The following ROBO2 variants were observed in gnomAD, a reference collection of about 807,000 sequenced individuals.
ROBO2 encodes roundabout guidance receptor 2.
In ROBO2, 53 loss-of-function variants were observed where a neutral mutation model predicts 160.8. The observed-to-expected ratio is 0.33, with a 90% CI of 0.26 to 0.41. The LOEUF (loss-of-function observed/expected upper bound fraction) is 0.41, where lower values mean the gene tolerates loss of function less well. ROBO2 is among the 10% of genes least tolerant of loss of function. The probability of loss-of-function intolerance (pLI) is 1.00; values close to 1 mark genes in which losing one functional copy is unlikely to be tolerated. For missense variants in ROBO2, 1,577 were observed against 1,722.4 expected, an observed-to-expected ratio of 0.92 and a Z score of 1.49; for synonymous variants, 664 against 611.7, an observed-to-expected ratio of 1.09 and a Z score of -1.26.
At chr3:75,971,501 T>C (rs1401274745) in intron 2 of ROBO2, among the ~76,000 whole-genome samples, 2 of 151,588 alleles carry the variant, frequency 1.3e-5, no homozygotes, top group East Asian at 2.0e-4. Flanking sequence ...ATTTTCTTCA[T>C]CTATAAAGAC....
intron 2 of ROBO2, among the ~76,000 whole-genome samples, chr3:77,335,527 C>A (rs567990351): frequency 9.9e-5 from 15 of 152,192 alleles, no homozygotes; most frequent in Non-Finnish European, 1.8e-4. Context: ...TTTAGTTTGC[C>A]AAAATGTAAA....
chr3:77,381,844 A>G (rs2073513303), intron 2 of ROBO2, among the ~76,000 whole-genome samples: 1 of 151,974 alleles, frequency 6.6e-6, no homozygotes, highest in Non-Finnish European at 1.5e-5. Flanking sequence ...CTTTTCATTT[A>G]TTTTTAAACC....
chr3:76,549,019 T>C (rs929910787), intron 2 of ROBO2, among the ~76,000 whole-genome samples: 4 of 152,142 alleles, frequency 2.6e-5, no homozygotes, highest in Admixed American at 1.3e-4. Flanking sequence ...AGATAGAGTA[T>C]CACACTAATA....
In ROBO2 at chr3:77,317,562, C is replaced by G. The variant is rs1273573538; in HGVS notation, c.389-159852C>G. On this transcript the variant is annotated intron_variant, in intron 2 of 25. Transcript: ENST00000461745. ...AATCCATAGCCCTTGGTGAAGACAT[C>G]CCTAGCAGATTTGCCAAGATCGGCA... 3.6e-6 allele frequency: 5 copies of G among 1,374,472 alleles called. No homozygotes were observed. In the East Asian group the frequency reaches 9.9e-5, roughly 27 times the overall value. The allele number at this position is 1,374,472 out of a possible 1,614,324, so 85.1% of individuals were successfully genotyped here.
chr3:77,394,130 G>A (rs9836971), intron 2 of ROBO2, among the ~76,000 whole-genome samples: 49,714 of 151,918 alleles, frequency 0.33, 8,310 homozygotes, highest in East Asian at 0.45. Context: ...ACTTCAAAGC[G>A]GCAAGCATCT....
At chr3:77,087,624 GT>G (rs2069499421) in intron 1 of ROBO2, among the ~76,000 whole-genome samples, 1 of 151,838 alleles carries the variant, frequency 6.6e-6, no homozygotes, top group African/African-American at 2.4e-5. Context: ...CCCCCTAACA[GT>G]TTTCTAGAAA....
chr3:77,412,596 G>A (rs2076889533), intron 2 of ROBO2, among the ~76,000 whole-genome samples: 1 of 152,140 alleles, frequency 6.6e-6, no homozygotes, highest in African/African-American at 2.4e-5. Flanking sequence ...GAAAGGATTT[G>A]CTCCTGGAAC....
intron 2 of ROBO2, among the ~76,000 whole-genome samples, chr3:77,170,180 A>G (rs540094479): frequency 6.6e-6 from 1 of 152,080 alleles, no homozygotes; most frequent in African/African-American, 2.4e-5. Flanking sequence ...CCTAGGTGGT[A>G]TTATCTGGGT....
At chr3:77,168,643 G>C (rs1168294621) in intron 2 of ROBO2, among the ~76,000 whole-genome samples, 3 of 152,130 alleles carry the variant, frequency 2.0e-5, no homozygotes, top group Non-Finnish European at 4.4e-5. Context: ...TACCATTCCA[G>C]TTTTAATTTT....
At chr3:77,369,366 A>G (rs916797699) in intron 2 of ROBO2, among the ~76,000 whole-genome samples, 2 of 152,180 alleles carry the variant, frequency 1.3e-5, no homozygotes, top group African/African-American at 4.8e-5. Flanking sequence ...AGGTTTCACA[A>G]AAATGTGTAC....
At chr3:76,018,446 T>A (rs536964286) in intron 2 of ROBO2, among the ~76,000 whole-genome samples, 8 of 151,938 alleles carry the variant, frequency 5.3e-5, no homozygotes, top group Non-Finnish European at 1.2e-4. Context: ...ACTATTTCAT[T>A]CATTATTATT....
chr3:77,039,989 T>A (rs1438524207), exon 1 of ROBO2: 5 of 562,484 alleles, frequency 8.9e-6, no homozygotes, highest in Non-Finnish European at 1.1e-5. Flanking sequence ...CGCAGCCGCC[T>A]GGTGCACTAT....
intron 1 of ROBO2, among the ~76,000 whole-genome samples, chr3:77,061,459 A>G (rs184075480): frequency 6.6e-6 from 1 of 152,260 alleles, no homozygotes; most frequent in East Asian, 1.9e-4. Context: ...ATCTTTTTAC[A>G]AAAAGGGCAG....
chr3:76,574,218 T>C (rs903544668), intron 2 of ROBO2, among the ~76,000 whole-genome samples: 12 of 152,008 alleles, frequency 7.9e-5, no homozygotes, highest in Non-Finnish European at 1.6e-4. Flanking sequence ...ATAATTCAGG[T>C]TTGTGTGAAT....
chr3:76,768,676 T>C (rs1379149531), intron 2 of ROBO2, among the ~76,000 whole-genome samples: 1 of 150,572 alleles, frequency 6.6e-6, no homozygotes, highest in Non-Finnish European at 1.5e-5. Context: ...TATGTAAAAC[T>C]TTAGTTTAAA....
chr3:76,184,077 A>G (rs1701632628), intron 2 of ROBO2, among the ~76,000 whole-genome samples: 1 of 152,130 alleles, frequency 6.6e-6, no homozygotes, highest in African/African-American at 2.4e-5. Flanking sequence ...CACGATTGCT[A>G]TGTAACAAAT....
At chr3:77,155,490 G>A (rs2077928709) in intron 2 of ROBO2, among the ~76,000 whole-genome samples, 2 of 151,976 alleles carry the variant, frequency 1.3e-5, no homozygotes, top group Admixed American at 6.6e-5. Context: ...TGGAAAAGGC[G>A]AGGGAACAGA....
chr3:77,172,170 C>T (rs1018646624), intron 2 of ROBO2, among the ~76,000 whole-genome samples: 5 of 152,036 alleles, frequency 3.3e-5, no homozygotes, highest in East Asian at 1.9e-4. Context: ...AAAATGTCTC[C>T]GCATGCTCAG....
intron 2 of ROBO2, among the ~76,000 whole-genome samples, chr3:75,955,696 T>A (rs1445530631): frequency 6.6e-6 from 1 of 151,738 alleles, no homozygotes; most frequent in Non-Finnish European, 1.5e-5. Context: ...TCTATACACT[T>A]CATTGCCATT....
Sources: gnomAD v4.1 joint callset for allele counts (sites outside exome capture counted in the v4.1 genomes callset) on GRCh38, gnomAD v4.1.1 for gene constraint, MANE v1.5 for transcripts, NCBI Gene and HGNC (gene_info 2026-07-23, HGNC 2026-07-21) for gene names.